Variants in CDH13 observed in about 807,000 individuals in gnomAD.
CDH13 encodes the protein cadherin 13, also known as cadherin-13.
A neutral mutation model predicts 63.8 loss-of-function variants in CDH13; 24 were observed. That is an observed-to-expected ratio of 0.38 (90% CI 0.27 to 0.53). The LOEUF (loss-of-function observed/expected upper bound fraction) is 0.53, where lower values mean the gene tolerates loss of function less well. Among genes scored for constraint, CDH13 ranks in the 20% least tolerant of loss-of-function variants. The pLI is 0.85. For synonymous variants in CDH13, 503 were observed against 355.3 expected (o/e 1.42, Z -4.67); for missense variants, 1,049 against 903.1 (o/e 1.16, Z -2.07).
intron 5 of CDH13, among the ~76,000 whole-genome samples, chr16:83,238,612 CT>C (rs1294994688): frequency 1.3e-5 from 2 of 152,154 alleles, no homozygotes; most frequent in African/African-American, 4.8e-5. Flanking sequence ...GTCTTTGTTT[CT>C]TACCTAGGTT....
intron 5 of CDH13, among the ~76,000 whole-genome samples, chr16:83,263,886 T>TAAAA (rs940449123): frequency 6.6e-6 from 1 of 151,104 alleles, no homozygotes; most frequent in Non-Finnish European, 1.5e-5. Context: ...CTGAATTTTT[T>TAAAA]AAAAAAAATA....
At chr16:83,180,487 G>A (rs138048455) in intron 4 of CDH13, among the ~76,000 whole-genome samples, 332 of 152,286 alleles carry the variant, frequency 2.2e-3, no homozygotes, top group Non-Finnish European at 3.2e-3. Flanking sequence ...GACTTTTAAC[G>A]TAGGACTCAC....
intron 2 of CDH13, among the ~76,000 whole-genome samples, chr16:82,970,789 C>T (rs17744703): frequency 0.12 from 18,551 of 152,138 alleles, 1,320 homozygotes; most frequent in East Asian, 0.16. Flanking sequence ...TATTATTTCC[C>T]TATTAGAGCA....
At chr16:82,648,318 T>C (rs1423240267) in intron 1 of CDH13, among the ~76,000 whole-genome samples, 1 of 152,250 alleles carries the variant, frequency 6.6e-6, no homozygotes, top group Non-Finnish European at 1.5e-5. Flanking sequence ...ATGAATATTG[T>C]ATATGTTTTA....
intron 4 of CDH13, among the ~76,000 whole-genome samples, chr16:83,171,819 C>T (rs1351314035): frequency 6.6e-6 from 1 of 152,108 alleles, no homozygotes; most frequent in Non-Finnish European, 1.5e-5. Flanking sequence ...GGCATGAATA[C>T]CTCCACCGGT....
chr16:83,042,663 C>G (rs550688370), intron 3 of CDH13, among the ~76,000 whole-genome samples: 2 of 152,038 alleles, frequency 1.3e-5, no homozygotes, highest in Admixed American at 1.3e-4. Context: ...TCTGTGGTGC[C>G]GAAAAAGGCT....
In CDH13 at chr16:83,783,032, C is replaced by G. The variant is rs117639986; in HGVS notation, c.1916-222C>G. Among the ~76,000 whole-genome samples, 6,832 of 152,270 alleles carry G rather than the reference C, an allele frequency of 0.045. 189 individuals are homozygous for G. The highest frequency in any genetic ancestry group is 0.061 in the Middle Eastern group (18 of 294). ...GTCTCTGTGTTGTTCATTACAGGAG[C>G]CAGCAGCCATGTGTGGCTTCTGGGC... On this transcript the variant is annotated intron_variant, in intron 12 of 13. Transcript: ENST00000567109.
At chr16:82,896,276 A>ATTTTTTTTTTTTTTTTTTTTTTTTTTT (rs59677448) in intron 2 of CDH13, among the ~76,000 whole-genome samples, 11 of 87,866 alleles carry the variant, frequency 1.3e-4, no homozygotes, top group Admixed American at 4.8e-4. Context: ...TAGGATTAGG[A>ATTTTTTTTTTTTTTTTTTTTTTTTTTT]TTTTTTTTTT....
intron 6 of CDH13, among the ~76,000 whole-genome samples, chr16:83,381,469 A>G (rs903517461): frequency 6.6e-6 from 1 of 152,148 alleles, no homozygotes; most frequent in African/African-American, 2.4e-5. Context: ...CCGAGATCGC[A>G]TCAGCAAGAA....
At chr16:83,572,324 A>G (rs932931697) in intron 7 of CDH13, among the ~76,000 whole-genome samples, 14 of 151,996 alleles carry the variant, frequency 9.2e-5, no homozygotes, top group African/African-American at 2.9e-4. Flanking sequence ...GTAGCTGGGA[A>G]GAGACAGGGT....
chr16:83,155,115 G>T (rs2037153463), intron 4 of CDH13, among the ~76,000 whole-genome samples: 1 of 152,192 alleles, frequency 6.6e-6, no homozygotes, highest in Non-Finnish European at 1.5e-5. Context: ...TACTATTAGA[G>T]AATGTTAATT....
intron 5 of CDH13, among the ~76,000 whole-genome samples, chr16:83,243,670 G>A (rs562098524): frequency 2.0e-5 from 3 of 152,100 alleles, no homozygotes; most frequent in Non-Finnish European, 4.4e-5. Context: ...TGTATTTATT[G>A]TCCAAAACTG....
intron 10 of CDH13, among the ~76,000 whole-genome samples, chr16:83,737,273 C>G (rs1911628308): frequency 6.6e-6 from 1 of 152,184 alleles, no homozygotes; most frequent in African/African-American, 2.4e-5. Context: ...TCCTTGATAT[C>G]TACATCACAA....
At chr16:83,612,859 G>C (rs913462380) in intron 8 of CDH13, among the ~76,000 whole-genome samples, 3 of 151,950 alleles carry the variant, frequency 2.0e-5, no homozygotes, top group Admixed American at 6.6e-5. Flanking sequence ...TTCTGTATCA[G>C]TTTATGTTTT....
chr16:82,993,171 C>T (rs944975724), intron 2 of CDH13, among the ~76,000 whole-genome samples: 2 of 152,020 alleles, frequency 1.3e-5, no homozygotes, highest in African/African-American at 4.8e-5. Flanking sequence ...TATCTGTTTC[C>T]TTCTGCTAAC....
At chr16:83,573,348 G>A (rs1598311875) in intron 7 of CDH13, among the ~76,000 whole-genome samples, 1 of 152,228 alleles carries the variant, frequency 6.6e-6, no homozygotes, top group Non-Finnish European at 1.5e-5. Context: ...ACCATTCAGT[G>A]GTGGGTCAGG....
chr16:83,645,895 A>C (rs1265737431), intron 8 of CDH13, among the ~76,000 whole-genome samples: 4 of 152,214 alleles, frequency 2.6e-5, no homozygotes, highest in African/African-American at 9.6e-5. Flanking sequence ...GGGAGACGAA[A>C]ATTGAGGTGA....
At chr16:82,771,368 A>G (rs921900949) in intron 1 of CDH13, among the ~76,000 whole-genome samples, 1 of 152,250 alleles carries the variant, frequency 6.6e-6, no homozygotes, top group Non-Finnish European at 1.5e-5. Flanking sequence ...TTGTCTGCTT[A>G]GAAAGGATAT....
At chr16:83,784,830 C>A (rs1451912014) in intron 13 of CDH13, among the ~76,000 whole-genome samples, 1 of 152,124 alleles carries the variant, frequency 6.6e-6, no homozygotes, top group African/African-American at 2.4e-5. Flanking sequence ...CTGCAAAGCC[C>A]AACAGAGTCT....
Sources: allele counts gnomAD v4.1 joint callset (sites outside exome capture counted in the v4.1 genomes callset), GRCh38; gene constraint gnomAD v4.1.1; transcripts MANE v1.5; gene names NCBI Gene and HGNC (gene_info 2026-07-23, HGNC 2026-07-21).